The following ABCC1 variants were observed in gnomAD, a reference collection of about 807,000 sequenced individuals.
ABCC1 encodes the protein ATP binding cassette subfamily C member 1 (ABCC1 blood group), also known as multidrug resistance-associated protein 1.
ABCC1 carries 83 observed loss-of-function variants against 172.9 expected under a neutral mutation model. That is an observed-to-expected ratio of 0.48 (90% CI 0.40 to 0.58). The LOEUF is 0.58. Ranked by LOEUF, ABCC1 falls within the 20% of genes least tolerant of loss-of-function variation. The pLI, the probability that ABCC1 is intolerant of heterozygous loss-of-function variation, is 0.00. For missense variants in ABCC1, 1,817 were observed against 2,002.7 expected (o/e 0.91, Z 1.77); for synonymous variants, 937 against 825.2 (o/e 1.14, Z -2.32).
intron 20 of ABCC1, among the ~76,000 whole-genome samples, chr16:16,104,114 G>A (rs553424631): frequency 2.6e-5 from 4 of 152,154 alleles, no homozygotes; most frequent in Non-Finnish European, 5.9e-5. Flanking sequence ...AGACCTTGAT[G>A]GTGAGTGTTA....
intron 1 of ABCC1, 140 bp from the exon 2 acceptor site, chr16:16,007,676 G>A (rs2047595299): frequency 1.4e-6 from 1 of 702,926 alleles, no homozygotes; most frequent in African/African-American, 1.8e-5. Flanking sequence ...TAGTTTGCGT[G>A]TTCATCCTGA....
chr16:16,055,993 A>C, intron 11 of ABCC1, 99 bp from the exon 12 acceptor site: 1 of 1,027,386 alleles, frequency 9.7e-7, no homozygotes, highest in Non-Finnish European at 1.4e-6. Flanking sequence ...TACATGTCAA[A>C]GTATATAATA....
intron 5 of ABCC1, among the ~76,000 whole-genome samples, chr16:16,026,171 C>T (rs893240110): frequency 5.3e-5 from 8 of 152,106 alleles, no homozygotes; most frequent in African/African-American, 1.4e-4. Flanking sequence ...GTGGCTCATG[C>T]CTGTAATCCC....
intron 1 of ABCC1, among the ~76,000 whole-genome samples, 163 bp from the exon 2 acceptor site, chr16:16,007,653 C>T (rs1216231382): frequency 6.6e-6 from 1 of 152,220 alleles, no homozygotes; most frequent in East Asian, 1.9e-4. Flanking sequence ...GTCTTTCTGG[C>T]TACTGATCTT....
intron 1 of ABCC1, among the ~76,000 whole-genome samples, chr16:15,961,771 CTTTTTTT>C (rs4148334): frequency 1.3e-3 from 167 of 129,224 alleles, no homozygotes; most frequent in Non-Finnish European, 9.6e-4. Context: ...ATCAAATCAA[CTTTTTTT>C]TTTTTTTTTT....
intron 26 of ABCC1, among the ~76,000 whole-genome samples, chr16:16,127,916 G>GTTT (rs371440132): frequency 1.4e-4 from 18 of 128,334 alleles, no homozygotes; most frequent in African/African-American, 3.8e-4. Flanking sequence ...ATTTCATTAG[G>GTTT]TTTTTTTTTT....
chr16:16,065,224 T>C (rs183078803), intron 12 of ABCC1, among the ~76,000 whole-genome samples: 205 of 152,302 alleles, frequency 1.3e-3, no homozygotes, highest in Non-Finnish European at 2.4e-3. Context: ...CTTTGACTTC[T>C]ACACTGAAAA....
At chr16:16,039,251 G>A (rs1323261966) in intron 7 of ABCC1, among the ~76,000 whole-genome samples, 3 of 141,792 alleles carry the variant, frequency 2.1e-5, no homozygotes, top group African/African-American at 8.5e-5. Context: ...GTGTGTGTGT[G>A]TGTGTGTGTG....
intron 20 of ABCC1, chr16:16,105,531 A>C (rs770277083): frequency 1.3e-5 from 2 of 152,304 alleles, no homozygotes; most frequent in Non-Finnish European, 2.9e-5. Flanking sequence ...TTCGGCCTTC[A>C]GGAAGTGTTT....
chr16:16,093,204 T>G (rs184023647), intron 19 of ABCC1, among the ~76,000 whole-genome samples: 1 of 152,186 alleles, frequency 6.6e-6, no homozygotes, highest in East Asian at 1.9e-4. Context: ...TCGGTGACTT[T>G]TTCACTGACC....
Position 16,083,393 on chromosome 16 carries a change from G to A in ABCC1, c.2143G>A (p.Ala715Thr). 1 of 1,613,792 alleles carries A rather than the reference G, an allele frequency of 6.2e-7. No homozygotes were observed. ...KGSVAYVPQQ[A>T]WIQNDSLREN... ...CTCCGTGGCCTATGTGCCACAGCAG[G>A]CCTGGATTCAGAATGATTCTCTCCG... Residue 715 changes from alanine (A) to threonine (T), a missense_variant, in exon 17 of 31, where the codon GCC becomes ACC. This residue lies in a region of ABCC1 where 1,412 missense variants were observed against 1,600.3 expected (regional missense o/e 0.88). Transcript: ENST00000399410.
chr16:16,103,319 C>T (rs1220268931), intron 20 of ABCC1, among the ~76,000 whole-genome samples: 3 of 152,174 alleles, frequency 2.0e-5, no homozygotes, highest in Non-Finnish European at 2.9e-5. Flanking sequence ...GTGGCTCATG[C>T]CTATAATCCC....
At chr16:16,121,745 G>A (rs2045167165) in intron 23 of ABCC1, among the ~76,000 whole-genome samples, 1 of 152,178 alleles carries the variant, frequency 6.6e-6, no homozygotes, top group East Asian at 1.9e-4. Context: ...GATGCCTGGG[G>A]CTGTGGGCTT....
At chr16:16,110,870 G>A (rs1036194549) in intron 21 of ABCC1, among the ~76,000 whole-genome samples, 9 of 152,016 alleles carry the variant, frequency 5.9e-5, no homozygotes, top group Non-Finnish European at 4.4e-5. Context: ...CCACGCGACT[G>A]GAAGCTCCAT....
intron 13 of ABCC1, among the ~76,000 whole-genome samples, chr16:16,069,173 T>TAAA (rs2050233363): frequency 4.4e-5 from 3 of 67,804 alleles, no homozygotes; most frequent in African/African-American, 2.7e-4. Flanking sequence ...AAAATAAAAA[T>TAAA]AAATAAATAA....
Position 16,036,587 on chromosome 16 carries a change from T to C in ABCC1, c.793T>C (p.Cys265Arg), listed in dbSNP as rs1310476127. The change falls in exon 7 of 31, where the codon TGC becomes CGC. Residue 265 changes from cysteine (C) to arginine (R), a missense_variant. Cys to Arg is a radical substitution (Grantham distance 180). Transcript: ENST00000399410. ...TTTGGTAAAGAACTGGAAGAAGGAA[T>C]GCGCCAAGACTAGGAAGTAAGTGTG... ...PVLVKNWKKE[C>R]AKTRKQPVKV... The C allele has an allele frequency of 6.2e-7, 1 of 1,614,092 alleles. No individual in the cohort carries two copies. The highest frequency in any genetic ancestry group is 8.5e-7 in the Non-Finnish European group (1 of 1,179,966).
intron 12 of ABCC1, 79 bp downstream of exon 12, chr16:16,056,374 TC>T (rs1466085895): frequency 2.0e-6 from 3 of 1,509,788 alleles, no homozygotes; most frequent in Non-Finnish European, 1.8e-6. Context: ...TTTTAAAAGG[TC>T]ACTATGTTGC....
At chr16:16,000,008 C>T (rs12930271) in intron 1 of ABCC1, among the ~76,000 whole-genome samples, 10,364 of 150,096 alleles carry the variant, frequency 0.069, 378 homozygotes, top group Middle Eastern at 0.12. Context: ...GTGCATGCCA[C>T]CATGCCTGGC....
At chr16:16,063,450 C>A (rs1454386617) in intron 12 of ABCC1, among the ~76,000 whole-genome samples, 1 of 152,054 alleles carries the variant, frequency 6.6e-6, no homozygotes, top group Non-Finnish European at 1.5e-5. Context: ...GCATAGGGAC[C>A]TTGGCAAATA....
Sources: allele counts gnomAD v4.1 joint callset (sites outside exome capture counted in the v4.1 genomes callset), GRCh38; gene constraint gnomAD v4.1.1; regional missense constraint gnomAD v4.1.1; transcripts MANE v1.5; gene names NCBI Gene and HGNC (gene_info 2026-07-23, HGNC 2026-07-21).